SCAND3: variants seen among roughly 807,000 people sequenced by gnomAD.
SCAND3 encodes SCAN domain containing 3, also known as SCAN domain-containing protein 3.
chr6:28,579,024 CCA>C, the SCAND3 span, among the ~76,000 whole-genome samples: 4 of 152,162 alleles, frequency 2.6e-5, no homozygotes, highest in African/African-American at 9.7e-5. The surrounding 1 kb of genome is among the most constrained non-coding windows in gnomAD (Gnocchi z 4.5). Flanking sequence ...TCTGATTTAT[CCA>C]CAGGTACTTA....
chr6:28,613,369 T>A, the SCAND3 span, among the ~76,000 whole-genome samples: 1 of 152,208 alleles, frequency 6.6e-6, no homozygotes, highest in African/African-American at 2.4e-5. Flanking sequence ...TTCAACTACT[T>A]CTGCTTTTAA....
chr6:28,576,014 C>G, the SCAND3 span: 1 of 1,613,712 alleles, frequency 6.2e-7, no homozygotes, highest in Non-Finnish European at 8.5e-7. Flanking sequence ...AGTAACCTTG[C>G]TAAGCTTCTG....
the SCAND3 span, chr6:28,590,039 G>C: frequency 6.6e-6 from 1 of 152,088 alleles, no homozygotes; most frequent in Non-Finnish European, 1.5e-5. Context: ...AGCAGCCCCG[G>C]AGGGCTCGGG....
the SCAND3 span, among the ~76,000 whole-genome samples, chr6:28,602,956 ATT>A: frequency 1.7e-4 from 16 of 94,434 alleles, no homozygotes; most frequent in Middle Eastern, 8.9e-3. Context: ...CCAAAAAAAA[ATT>A]TTTTTTTTTT....
the SCAND3 span, chr6:28,572,392 C>A: frequency 6.2e-7 from 1 of 1,613,062 alleles, no homozygotes; most frequent in Non-Finnish European, 8.5e-7. This position sits in a 1 kb window ranked among gnomAD's most constrained non-coding sequence, Gnocchi z 4.1. Context: ...AAGATCATTA[C>A]CTACTTCATT....
chr6:28,595,329 T>C, the SCAND3 span, among the ~76,000 whole-genome samples: 4 of 12,108 alleles, frequency 3.3e-4, no homozygotes, highest in African/African-American at 1.3e-3. Flanking sequence ...AAACCCAGTC[T>C]CAAAAAAAAA....
At chr6:28,596,966 TAA>T in the SCAND3 span, among the ~76,000 whole-genome samples, 1 of 152,222 alleles carries the variant, frequency 6.6e-6, no homozygotes, top group Non-Finnish European at 1.5e-5. Context: ...TCATTTACTT[TAA>T]GTTTATTGAC....
At chr6:28,603,366 A>G in the SCAND3 span, among the ~76,000 whole-genome samples, 1 of 152,226 alleles carries the variant, frequency 6.6e-6, no homozygotes, top group African/African-American at 2.4e-5. Flanking sequence ...CTTCCAAAAT[A>G]TATCTTATTG....
the SCAND3 span, among the ~76,000 whole-genome samples, chr6:28,597,419 G>C: frequency 2.4e-4 from 36 of 152,280 alleles, no homozygotes; most frequent in East Asian, 6.7e-3. Context: ...CGGCCACCTC[G>C]TCACATGCTA....
At chr6:28,586,606 A>C in the SCAND3 span, 2 of 1,614,068 alleles carry the variant, frequency 1.2e-6, no homozygotes, top group Non-Finnish European at 1.7e-6. This position sits in a 1 kb window ranked among gnomAD's most constrained non-coding sequence, Gnocchi z 4.4. Context: ...CGTAGGGCTG[A>C]TTCCTGATCC....
chr6:28,576,065 C>T, the SCAND3 span: 1 of 1,613,544 alleles, frequency 6.2e-7, no homozygotes, highest in Admixed American at 1.7e-5. Context: ...ATTTCTGCTT[C>T]ATTAGTATCT....
At chr6:28,606,940 C>A in the SCAND3 span, among the ~76,000 whole-genome samples, 12 of 152,156 alleles carry the variant, frequency 7.9e-5, no homozygotes, top group African/African-American at 2.9e-4. Context: ...GGAAATGAAG[C>A]TGGAAAAAGC....
At chr6:28,576,677 G>C in the SCAND3 span, among the ~76,000 whole-genome samples, 4 of 151,824 alleles carry the variant, frequency 2.6e-5, no homozygotes, top group Non-Finnish European at 4.4e-5. Flanking sequence ...GCCAGGACAT[G>C]AATTTCCAGA....
the SCAND3 span, chr6:28,579,463 T>C: frequency 6.5e-7 from 1 of 1,532,800 alleles, no homozygotes; most frequent in African/African-American, 1.4e-5. The surrounding 1 kb of genome is among the most constrained non-coding windows in gnomAD (Gnocchi z 4.5). Flanking sequence ...CAAATAATTG[T>C]AGTTTGTCAT....
chr6:28,581,950 C>T, the SCAND3 span, among the ~76,000 whole-genome samples: 1 of 152,128 alleles, frequency 6.6e-6, no homozygotes, highest in East Asian at 1.9e-4. Flanking sequence ...GGAAATCACA[C>T]AAAAACAAGA....
chr6:28,598,499 C>T, the SCAND3 span, among the ~76,000 whole-genome samples: 1 of 151,952 alleles, frequency 6.6e-6, no homozygotes, highest in Non-Finnish European at 1.5e-5. Flanking sequence ...CATACAACTA[C>T]CCAGCATGGA....
At chr6:28,587,998 C>G in the SCAND3 span, 1 of 152,206 alleles carries the variant, frequency 6.6e-6, no homozygotes, top group African/African-American at 2.4e-5. Context: ...TGTTGAATTG[C>G]TGCCTGGTTC....
chr6:28,574,052 G>A, the SCAND3 span, among the ~76,000 whole-genome samples: 2 of 152,100 alleles, frequency 1.3e-5, no homozygotes, highest in Non-Finnish European at 2.9e-5. Context: ...GGGACCTATT[G>A]TGTTTGACTA....
At chr6:28,601,111 T>G in the SCAND3 span, among the ~76,000 whole-genome samples, 1 of 152,080 alleles carries the variant, frequency 6.6e-6, no homozygotes, top group Admixed American at 6.5e-5. Flanking sequence ...TTCACCGTGT[T>G]AGCCAGGATG....
Sources: allele counts gnomAD v4.1 joint callset (sites outside exome capture counted in the v4.1 genomes callset), GRCh38; gene constraint gnomAD v4.1.1; non-coding constraint Gnocchi (gnomAD v3.1); transcripts MANE v1.5; gene names NCBI Gene and HGNC (gene_info 2026-07-23, HGNC 2026-07-21).